Variants in SEMA5B observed in about 807,000 individuals in gnomAD.
SEMA5B encodes the protein semaphorin 5B, also known as semaphorin-5B.
SEMA5B carries 66 observed loss-of-function variants against 135.0 expected under a neutral mutation model. The ratio of observed to expected loss-of-function variants is 0.49; its 90% CI spans 0.40 to 0.60. SEMA5B has a LOEUF of 0.60. Among genes scored for constraint, SEMA5B ranks in the 20% least tolerant of loss-of-function variants. SEMA5B has a pLI of 0.00. For missense variants in SEMA5B, 1,501 were observed against 1,566.3 expected (o/e 0.96, Z 0.70); for synonymous variants, 690 against 639.5 (o/e 1.08, Z -1.19).
chr3:123,000,215 A>G (rs1942135468), intron 1 of SEMA5B, among the ~76,000 whole-genome samples: 1 of 152,214 alleles, frequency 6.6e-6, no homozygotes, highest in South Asian at 2.1e-4. Context: ...CTCAAAAACA[A>G]CAAAAGAAAA....
At chr3:122,945,882 T>TC (rs141601115) in intron 3 of SEMA5B, among the ~76,000 whole-genome samples, 4,641 of 149,780 alleles carry the variant, frequency 0.031, 266 homozygotes, top group African/African-American at 0.11. Flanking sequence ...TCCGTCCCTC[T>TC]CCCAGTAGCC....
chr3:122,923,054 G>A (rs974512914), intron 10 of SEMA5B, among the ~76,000 whole-genome samples: 1 of 152,168 alleles, frequency 6.6e-6, no homozygotes, highest in Admixed American at 6.5e-5. Context: ...CAAAGCTTGA[G>A]GTCTTTCCCA....
chr3:122,922,341 G>A lies in SEMA5B; in HGVS notation c.1379C>T (p.Pro460Leu), dbSNP rs1450736215. The A allele has an allele frequency of 2.5e-6, 4 of 1,613,762 alleles. No individual in the cohort carries two copies. The highest frequency in any genetic ancestry group is 3.4e-6 in the Non-Finnish European group (4 of 1,179,846). Reference sequence around the variant, plus strand: ...GCTGTCCTGGGTGACACAGGGCTCGGGTGTCACCGGCTGCACGGCCTCGCT... The same window carrying A: ...GCTGTCCTGGGTGACACAGGGCTCGAGTGTCACCGGCTGCACGGCCTCGCT... ...LMSEAVQPVT[P>L]EPCVTQDSVR... is the part of the protein sequence containing the mutation. The change falls in exon 11 of 23, where the codon CCC (proline) becomes CTC (leucine). Residue 460 changes from proline (P) to leucine (L), a missense_variant. Transcript: ENST00000357599.
intron 8 of SEMA5B, 55 bp downstream of exon 8, chr3:122,927,735 G>T: frequency 7.8e-7 from 1 of 1,281,368 alleles, no homozygotes; most frequent in Non-Finnish European, 1.0e-6. Context: ...CTCAGGGTGG[G>T]CTGGTGGGCT....
chr3:123,022,904 C>T (rs1438253155), intron 1 of SEMA5B, among the ~76,000 whole-genome samples: 1 of 152,200 alleles, frequency 6.6e-6, no homozygotes, highest in Non-Finnish European at 1.5e-5. Context: ...CATTTTCTAG[C>T]ATTCAAGCTG....
intron 1 of SEMA5B, among the ~76,000 whole-genome samples, chr3:122,965,472 C>T (rs1045393108): frequency 6.6e-6 from 1 of 152,240 alleles, no homozygotes; most frequent in African/African-American, 2.4e-5. Context: ...CCTTTCTCCA[C>T]CTTCCTCCCT....
chr3:122,961,159 C>T lies in SEMA5B; in HGVS notation c.105G>A (p.Trp35Ter). The change falls in exon 2 of 23, where the codon TGG (tryptophan) becomes TGA (stop). Residue 35 changes from tryptophan to a stop codon, truncating the protein, a stop_gained. Coordinates refer to ENST00000357599, the MANE Select transcript of SEMA5B (RefSeq NM_001031702.4). LOFTEE classifies it high-confidence loss of function. ...QLRCGWTVGG[W>*]LLSLVRGLLP... ...ACTTACCCCTGACCAGTGAGAGAAG[C>T]CAGCCCCCTACTGTCCATCCACACC... is the stretch of plus-strand genomic sequence containing the variant. The T allele has an allele frequency of 6.2e-7, 1 of 1,612,664 alleles. No homozygotes were observed. Among genetic ancestry groups the T allele is most frequent in the Non-Finnish European group, 8.5e-7 (1 of 1,179,158 alleles).
chr3:122,922,261 G>T lies in SEMA5B; in HGVS notation c.1459C>A (p.His487Asn). The change falls in exon 11 of 23, where the codon CAT (histidine) becomes AAT (asparagine). Residue 487 changes from histidine (H) to asparagine (N), a missense_variant. His to Asn is a moderately conservative substitution (Grantham distance 68, BLOSUM62 1). This residue lies in a region of SEMA5B where 574 missense variants were observed against 684.7 expected (regional missense o/e 0.84). Transcript: ENST00000357599. ...DLVQAKDTLYHVLYIGTESGT... is the reference protein window; with the variant it reads ...DLVQAKDTLYNVLYIGTESGT... ...TCACCGGTGCCAATGTAGAGTACATGGTAGAGCGTGTCTTTAGCCTGCACC... is the reference window on the plus strand; with the variant it reads ...TCACCGGTGCCAATGTAGAGTACATTGTAGAGCGTGTCTTTAGCCTGCACC... 6.2e-7 allele frequency: 1 copy of T among 1,613,930 alleles called. No homozygotes were observed. Among genetic ancestry groups the T allele is most frequent in the Non-Finnish European group, 8.5e-7 (1 of 1,179,892 alleles).
upstream of SEMA5B, among the ~76,000 whole-genome samples, chr3:123,028,118 A>T (rs1190137920): frequency 6.6e-6 from 1 of 152,076 alleles, no homozygotes; most frequent in East Asian, 1.9e-4. Flanking sequence ...CGAATGTGAC[A>T]TCCCCGAGGG....
rs1009644526 is a variant in SEMA5B, at chr3:122,998,357, C to A, written c.-39+29107G>T. Among the ~76,000 whole-genome samples, 5 of 151,594 alleles carry A rather than the reference C, an allele frequency of 3.3e-5. No homozygotes were observed. In the East Asian group the frequency reaches 9.7e-4, roughly 30 times the overall value. The stretch of plus-strand genomic sequence containing the variant: ...AAGGACGGGGCTTTGGGATCAAGAA[C>A]CTTGCCGAATCCTGATCTGTCACTT... On this transcript the variant is annotated intron_variant, in intron 1 of 22. Coordinates refer to ENST00000357599, the MANE Select transcript of SEMA5B (RefSeq NM_001031702.4).
chr3:122,937,959 G>T (rs1438945691), intron 5 of SEMA5B, among the ~76,000 whole-genome samples: 1 of 152,104 alleles, frequency 6.6e-6, no homozygotes, highest in Non-Finnish European at 1.5e-5. Context: ...TGACCTGCTG[G>T]GTTTGGCAAC....
rs568312634 is a variant in SEMA5B, at chr3:122,956,842, G to A, written c.124+4298C>T. On this transcript the variant is annotated intron_variant, in intron 2 of 22. Transcript: ENST00000357599. The stretch of plus-strand genomic sequence containing the variant: ...AGCAGCTGATGTGAGTGCCCTAAAA[G>A]GGAAAAAACGTCCTGGGAAAGCGGG... Among the ~76,000 whole-genome samples, 8 of 152,280 alleles carry A rather than the reference G, an allele frequency of 5.3e-5. 1 individual carries two copies. In the South Asian group the frequency reaches 1.7e-3, roughly 32 times the overall value.
At chr3:122,994,647 G>C (rs1322852775) in intron 1 of SEMA5B, among the ~76,000 whole-genome samples, 1 of 152,152 alleles carries the variant, frequency 6.6e-6, no homozygotes, top group Non-Finnish European at 1.5e-5. Context: ...CATGAGAGGT[G>C]ACCGCCTAGG....
At chr3:122,939,918 C>T (rs1210318038) in intron 4 of SEMA5B, among the ~76,000 whole-genome samples, 4 of 152,180 alleles carry the variant, frequency 2.6e-5, no homozygotes, top group South Asian at 2.1e-4. Flanking sequence ...TCCACCCTGA[C>T]TCACCCCTTC....
At chr3:123,009,344 G>T (rs186894660) in intron 1 of SEMA5B, among the ~76,000 whole-genome samples, 156 of 152,270 alleles carry the variant, frequency 1.0e-3, no homozygotes, top group African/African-American at 3.7e-3. Flanking sequence ...GGTAAGGGAA[G>T]GGTCTGTGTT....
intron 1 of SEMA5B, among the ~76,000 whole-genome samples, chr3:122,966,456 C>T (rs1332835907): frequency 1.3e-5 from 2 of 152,138 alleles, no homozygotes; most frequent in Non-Finnish European, 2.9e-5. Flanking sequence ...GCTGGGTCAC[C>T]TTAAGTGAAA....
At chr3:122,945,838 G>T (rs1939768512) in intron 3 of SEMA5B, among the ~76,000 whole-genome samples, 1 of 150,788 alleles carries the variant, frequency 6.6e-6, no homozygotes, top group South Asian at 2.1e-4. Context: ...GGAGGTGGGG[G>T]TGGGGGCATG....
intron 4 of SEMA5B, among the ~76,000 whole-genome samples, chr3:122,939,698 G>A (rs952216429): frequency 6.6e-6 from 1 of 152,168 alleles, no homozygotes; most frequent in Non-Finnish European, 1.5e-5. Context: ...TGGGTAAATG[G>A]CCCAAGTCAC....
At chr3:122,921,615 G>T (rs573432711) in intron 12 of SEMA5B, among the ~76,000 whole-genome samples, 131 of 152,312 alleles carry the variant, frequency 8.6e-4, no homozygotes, top group Non-Finnish European at 1.6e-3. Context: ...TGGTTGACTG[G>T]CCCTAGCTAT....
Sources: allele counts gnomAD v4.1 joint callset (sites outside exome capture counted in the v4.1 genomes callset), GRCh38; gene constraint gnomAD v4.1.1; regional missense constraint gnomAD v4.1.1; transcripts MANE v1.5; gene names NCBI Gene and HGNC (gene_info 2026-07-23, HGNC 2026-07-21).